Variants in METTL9 observed in about 807,000 individuals in gnomAD.
The protein encoded by METTL9 is protein-L-histidine N-pros-methyltransferase.
Under a neutral mutation model 36.0 loss-of-function variants are expected in METTL9, and 10 were observed. The ratio of observed to expected loss-of-function variants is 0.28; its 90% CI spans 0.17 to 0.47. The LOEUF is 0.47. METTL9 is among the 20% of genes least tolerant of loss of function. METTL9 has a pLI of 0.99. For synonymous variants in METTL9, 175 were observed against 149.7 expected (o/e 1.17, Z -1.23); for missense variants, 246 against 383.5 (o/e 0.64, Z 3.00).
intron 4 of METTL9, chr16:21,654,036 GTTTTTTTTTTTTT>G (rs991543621): frequency 2.2e-5 from 2 of 90,236 alleles, no homozygotes; most frequent in Non-Finnish European, 4.2e-5. Flanking sequence ...AGTCTGTTTT[GTTTTTTTTTTTTT>G]TTTTTTTTTT....
chr16:21,648,036 G>C (rs573018753), intron 4 of METTL9, among the ~76,000 whole-genome samples: 1 of 152,212 alleles, frequency 6.6e-6, no homozygotes, highest in East Asian at 1.9e-4. Flanking sequence ...TTCTTTGTGA[G>C]CCTGGTGTCC....
intron 4 of METTL9, chr16:21,627,035 G>C: frequency 1.0e-6 from 1 of 985,434 alleles, no homozygotes. Flanking sequence ...TGTTGAGTCT[G>C]AGGAGTCTGG....
intron 4 of METTL9, among the ~76,000 whole-genome samples, chr16:21,625,972 A>C (rs1251671908): frequency 1.3e-5 from 2 of 152,100 alleles, no homozygotes; most frequent in Non-Finnish European, 2.9e-5. Context: ...ATCTTGGCTC[A>C]CTGCAACCTC....
intron 4 of METTL9, chr16:21,647,513 G>T (rs746090681): frequency 6.3e-7 from 1 of 1,594,488 alleles, no homozygotes; most frequent in Non-Finnish European, 8.6e-7. Flanking sequence ...AAGCAGATGA[G>T]TGGGTTAATG....
chr16:21,615,034 C>T (rs1280765889), intron 2 of METTL9, among the ~76,000 whole-genome samples: 1 of 152,134 alleles, frequency 6.6e-6, no homozygotes, highest in East Asian at 1.9e-4. Context: ...CAGTAGTACC[C>T]CCAGGTCCTT....
At chr16:21,605,385 A>C (rs1266858923) in intron 1 of METTL9, among the ~76,000 whole-genome samples, 5 of 143,230 alleles carry the variant, frequency 3.5e-5, no homozygotes, top group Admixed American at 3.0e-4. Flanking sequence ...GCCTCAGTAC[A>C]TCCTCCTGCC....
At chr16:21,652,642 A>G in intron 4 of METTL9, 1 of 1,510,330 alleles carries the variant, frequency 6.6e-7, no homozygotes, top group Non-Finnish European at 9.1e-7. Flanking sequence ...TTTGAAAGGA[A>G]AGTTGGCTTT....
intron 1 of METTL9, among the ~76,000 whole-genome samples, chr16:21,609,965 G>A (rs1965388932): frequency 2.0e-5 from 3 of 152,078 alleles, no homozygotes; most frequent in Admixed American, 2.0e-4. Flanking sequence ...GGGTGTGTGT[G>A]TGTGTTTAAA....
intron 4 of METTL9, among the ~76,000 whole-genome samples, chr16:21,633,888 A>AT (rs1471408683): frequency 6.6e-6 from 1 of 152,044 alleles, no homozygotes; most frequent in Non-Finnish European, 1.5e-5. Flanking sequence ...CTGGGCGGGC[A>AT]TTTTTTTGCC....
intron 4 of METTL9, among the ~76,000 whole-genome samples, chr16:21,633,214 C>T (rs1478227795): frequency 6.6e-6 from 1 of 152,170 alleles, no homozygotes; most frequent in South Asian, 2.1e-4. Flanking sequence ...CCTGGTCCCT[C>T]TGGCTAAGAT....
intron 3 of METTL9, among the ~76,000 whole-genome samples, chr16:21,621,987 C>T (rs542802366): frequency 3.3e-5 from 5 of 150,880 alleles, no homozygotes; most frequent in South Asian, 2.1e-4. Flanking sequence ...GGACTACAGG[C>T]GCATGCTGCC....
chr16:21,626,533 T>C (rs1008624809), intron 4 of METTL9, among the ~76,000 whole-genome samples: 15 of 152,194 alleles, frequency 9.9e-5, no homozygotes, highest in African/African-American at 3.6e-4. Context: ...TCTTTCGATA[T>C]AGAAGGGTGT....
chr16:21,634,982 A>G (rs1966050637), intron 4 of METTL9, among the ~76,000 whole-genome samples: 1 of 152,138 alleles, frequency 6.6e-6, no homozygotes, highest in Non-Finnish European at 1.5e-5. Flanking sequence ...CGGCTGGCTG[A>G]CCAGTAGGGA....
In METTL9 at chr16:21,617,850, C is replaced by T; in HGVS notation, c.357-15C>T. On this transcript the variant is annotated splice_polypyrimidine_tract_variant and intron_variant, in intron 2 of 4. Transcript: ENST00000358154. ...TTGCATAGACACTTCCATTTTTGTC[C>T]TTTTTTTCTTTCAGGTTGCTAGGAA... is the stretch of plus-strand genomic sequence containing the variant. The T allele has an allele frequency of 6.2e-7, 1 of 1,611,494 alleles. No individual in the cohort carries two copies. Among genetic ancestry groups the T allele is most frequent in the Non-Finnish European group, 8.5e-7 (1 of 1,177,956 alleles).
chr16:21,605,296 T>TTTTTTTTG (rs1965253993), intron 1 of METTL9, among the ~76,000 whole-genome samples: 1 of 116,704 alleles, frequency 8.6e-6, no homozygotes, highest in South Asian at 2.9e-4. Context: ...TTTTTTTTTT[T>TTTTTTTTG]GAGAAACAAG....
intron 1 of METTL9, among the ~76,000 whole-genome samples, chr16:21,605,107 A>G (rs959657802): frequency 1.3e-5 from 2 of 151,966 alleles, no homozygotes; most frequent in African/African-American, 4.8e-5. Flanking sequence ...GAGAGAGAAG[A>G]GACTTGCTCA....
upstream of METTL9, chr16:21,599,565 CGCCG>C: frequency 7.8e-7 from 1 of 1,285,360 alleles, no homozygotes; most frequent in South Asian, 2.3e-5. This position sits in a 1 kb window ranked among gnomAD's most constrained non-coding sequence, Gnocchi z 4.4. Flanking sequence ...CGAGGCTGCG[CGCCG>C]GCTGCTCCTC....
chr16:21,599,534 C>G, upstream of METTL9: 4 of 1,269,502 alleles, frequency 3.2e-6, no homozygotes, highest in Non-Finnish European at 4.0e-6. The surrounding 1 kb of genome is among the most constrained non-coding windows in gnomAD (Gnocchi z 4.4). Flanking sequence ...GTTCCGCGGC[C>G]GGAAGGGAAG....
intron 2 of METTL9, among the ~76,000 whole-genome samples, chr16:21,615,085 T>A (rs541377949): frequency 6.6e-6 from 1 of 152,288 alleles, no homozygotes; most frequent in East Asian, 1.9e-4. Context: ...CATTGCCCCC[T>A]AGAGGGCAAA....
Sources: allele counts gnomAD v4.1 joint callset (sites outside exome capture counted in the v4.1 genomes callset), GRCh38; gene constraint gnomAD v4.1.1; non-coding constraint Gnocchi (gnomAD v3.1); transcripts MANE v1.5; gene names NCBI Gene and HGNC (gene_info 2026-07-23, HGNC 2026-07-21).